The following CHD7 variants were observed in gnomAD, a reference collection of about 807,000 sequenced individuals.
CHD7 encodes ATP-dependent chromatin remodeler CHD7.
CHD7 carries 24 observed loss-of-function variants against 307.3 expected under a neutral mutation model. The ratio of observed to expected loss-of-function variants is 0.08; its 90% CI spans 0.06 to 0.11. The LOEUF (loss-of-function observed/expected upper bound fraction) is 0.11, where lower values mean the gene tolerates loss of function less well. Among genes scored for constraint, CHD7 ranks in the 10% least tolerant of loss-of-function variants. The pLI is 1.00. For synonymous variants in CHD7, 1,363 were observed against 1,349.9 expected (o/e 1.01, Z -0.21); for missense variants, 3,106 against 3,727.1 (o/e 0.83, Z 4.34).
chr8:60,695,326 A>C (rs1221516238), intron 1 of CHD7, among the ~76,000 whole-genome samples: 3 of 152,236 alleles, frequency 2.0e-5, no homozygotes, highest in Non-Finnish European at 4.4e-5. Flanking sequence ...TCTTATAAAA[A>C]TGATTTTGGA....
chr8:60,696,378 A>G (rs187265159), intron 1 of CHD7, among the ~76,000 whole-genome samples: 1 of 152,346 alleles, frequency 6.6e-6, no homozygotes, highest in Non-Finnish European at 1.5e-5. Context: ...CTGACCGCTT[A>G]ACTGTGTGAC....
At chr8:60,691,267 C>T (rs916427658) in intron 1 of CHD7, among the ~76,000 whole-genome samples, 1 of 152,046 alleles carries the variant, frequency 6.6e-6, no homozygotes, top group African/African-American at 2.4e-5. Flanking sequence ...ATAATAGTGT[C>T]TTTATTTGGC....
At chr8:60,837,508 T>A (rs960208156) in intron 17 of CHD7, among the ~76,000 whole-genome samples, 160 bp from the exon 18 acceptor site, 2 of 152,152 alleles carry the variant, frequency 1.3e-5, no homozygotes, top group African/African-American at 4.8e-5. Context: ...TGAGCAGTAA[T>A]CCTGTTCGTG....
chr8:60,811,143 T>C (rs867072936), intron 7 of CHD7, among the ~76,000 whole-genome samples: 1 of 152,214 alleles, frequency 6.6e-6, no homozygotes, highest in Non-Finnish European at 1.5e-5. Flanking sequence ...GCCAAAAAGG[T>C]TGGGGCCTCA....
intron 3 of CHD7, among the ~76,000 whole-genome samples, chr8:60,784,979 A>G: frequency 6.6e-6 from 1 of 152,152 alleles, no homozygotes; most frequent in Admixed American, 6.6e-5. Flanking sequence ...CAGCTTTCAA[A>G]TATTCGTTGC....
At chr8:60,696,617 GTTT>G (rs554059820) in intron 1 of CHD7, among the ~76,000 whole-genome samples, 1 of 143,910 alleles carries the variant, frequency 6.9e-6, no homozygotes. Flanking sequence ...ATTGCAGGTA[GTTT>G]TTTTTTTTTT....
chr8:60,858,266 A>G (rs2129669899), intron 34 of CHD7, among the ~76,000 whole-genome samples: 1 of 152,324 alleles, frequency 6.6e-6, no homozygotes, highest in African/African-American at 2.4e-5. Flanking sequence ...AAAAAAATAA[A>G]GAAAATTTTT....
intron 15 of CHD7, among the ~76,000 whole-genome samples, chr8:60,831,451 A>G (rs760224682): frequency 6.6e-6 from 1 of 152,134 alleles, no homozygotes; most frequent in African/African-American, 2.4e-5. Context: ...AAAGGCACAC[A>G]TAAGAAATGC....
At chr8:60,698,545 T>C (rs1384374193) in intron 1 of CHD7, among the ~76,000 whole-genome samples, 1 of 152,220 alleles carries the variant, frequency 6.6e-6, no homozygotes, top group African/African-American at 2.4e-5. Flanking sequence ...CAGTACTCTC[T>C]GCCTTTGGGA....
At chr8:60,772,457 G>C (rs1810756767) in intron 2 of CHD7, among the ~76,000 whole-genome samples, 1 of 152,154 alleles carries the variant, frequency 6.6e-6, no homozygotes, top group Admixed American at 6.5e-5. Context: ...CTTCTTTCCA[G>C]TTTAAAGATT....
intron 7 of CHD7, chr8:60,808,620 T>A: frequency 3.8e-6 from 1 of 262,562 alleles, no homozygotes; most frequent in South Asian, 4.6e-5. Context: ...CCTTCACCTG[T>A]GCATAGTGTG....
At chr8:60,682,947 A>G (rs1265460784) in intron 1 of CHD7, among the ~76,000 whole-genome samples, 1 of 152,238 alleles carries the variant, frequency 6.6e-6, no homozygotes, top group Non-Finnish European at 1.5e-5. Flanking sequence ...AAGTAAGCAC[A>G]TAGTCACATA....
At chr8:60,791,102 T>G (rs561415701) in intron 3 of CHD7, among the ~76,000 whole-genome samples, 1 of 152,336 alleles carries the variant, frequency 6.6e-6, no homozygotes, top group African/African-American at 2.4e-5. Context: ...AACAGAGGAA[T>G]GCCCCAGTCA....
At chr8:60,848,638 G>A in intron 24 of CHD7, 34 bp downstream of exon 24, 2 of 1,519,286 alleles carry the variant, frequency 1.3e-6, no homozygotes, top group African/African-American at 1.4e-5. Context: ...CTCAACCTCA[G>A]TGAGATAATC....
In CHD7 at chr8:60,852,630, G is replaced by A; in HGVS notation, c.6027G>A (p.Glu2009=). 1 of 1,613,974 alleles carries A rather than the reference G, an allele frequency of 6.2e-7. No homozygotes were observed. The highest frequency in any genetic ancestry group is 8.5e-7 in the Non-Finnish European group (1 of 1,179,898). The part of the protein sequence containing the change: ...AFARLDKKSD[E]SLEKYFSCFV... ...CCAGGCTTGACAAAAAATCTGATGA[G>A]AGTTTGGAGAAATACTTCAGTTGTT... Residue 2009 remains glutamate, a synonymous_variant, in exon 30 of 38, where the codon GAG becomes GAA. Transcript: ENST00000423902.
chr8:60,743,890 A>G (rs1489590589), intron 2 of CHD7, among the ~76,000 whole-genome samples: 2 of 152,220 alleles, frequency 1.3e-5, no homozygotes, highest in Non-Finnish European at 1.5e-5. Context: ...AAAAATATAT[A>G]CTGATTATCT....
intron 1 of CHD7, 75 bp from the exon 2 acceptor site, chr8:60,741,184 A>G: frequency 2.0e-6 from 1 of 511,462 alleles, no homozygotes; most frequent in Non-Finnish European, 3.5e-6. Context: ...TGTACAAAAT[A>G]CTGGCAGTTT....
At chr8:60,820,929 A>C (rs1180709811) in intron 9 of CHD7, among the ~76,000 whole-genome samples, 3 of 152,188 alleles carry the variant, frequency 2.0e-5, no homozygotes, top group African/African-American at 7.2e-5. Flanking sequence ...TTTTCACATC[A>C]CAACTAGGTC....
At chr8:60,790,960 T>C (rs1273722526) in intron 3 of CHD7, among the ~76,000 whole-genome samples, 1 of 151,946 alleles carries the variant, frequency 6.6e-6, no homozygotes, top group Non-Finnish European at 1.5e-5. Context: ...GATGAGTAGG[T>C]TGGGATAAAA....
Sources: allele counts gnomAD v4.1 joint callset (sites outside exome capture counted in the v4.1 genomes callset), GRCh38; gene constraint gnomAD v4.1.1; transcripts MANE v1.5; gene names NCBI Gene and HGNC (gene_info 2026-07-23, HGNC 2026-07-21).